MYO9A: variants seen among roughly 807,000 people sequenced by gnomAD.
MYO9A encodes the protein myosin IXA.
Under a neutral mutation model 293.3 loss-of-function variants are expected in MYO9A, and 103 were observed. The observed-to-expected ratio is 0.35, with a 90% CI of 0.30 to 0.41. The LOEUF is 0.41. Ranked by LOEUF, MYO9A falls within the 10% of genes least tolerant of loss-of-function variation. The pLI is 1.00. For missense variants in MYO9A, 2,685 were observed against 3,033.0 expected, an observed-to-expected ratio of 0.89 and a Z score of 2.69; for synonymous variants, 1,001 against 1,035.7, an observed-to-expected ratio of 0.97 and a Z score of 0.64.
chr15:71,900,574 A>C (rs2143446171), intron 23 of MYO9A, among the ~76,000 whole-genome samples: 2 of 152,342 alleles, frequency 1.3e-5, no homozygotes, highest in Admixed American at 1.3e-4. Flanking sequence ...GAAGAAGTTA[A>C]TTACAGAACC....
At chr15:71,964,416 G>A (rs2075819422) in intron 13 of MYO9A, among the ~76,000 whole-genome samples, 2 of 152,046 alleles carry the variant, frequency 1.3e-5, no homozygotes. Context: ...GGAGACTGAG[G>A]TGAGCAGATC....
chr15:72,049,041 A>G (rs1187995049), intron 1 of MYO9A, among the ~76,000 whole-genome samples: 2 of 152,218 alleles, frequency 1.3e-5, no homozygotes, highest in African/African-American at 4.8e-5. Context: ...AATGTCATCC[A>G]GACGGAACTG....
chr15:72,103,394 AAGCAGCAGCAAGCAGCAAGCAGC>A (rs1344846825), intron 1 of MYO9A, among the ~76,000 whole-genome samples: 1 of 148,348 alleles, frequency 6.7e-6, no homozygotes, highest in Non-Finnish European at 1.5e-5. Context: ...GCAGCAGCAG[AAGCAGCAGCAAGCAGCAAGCAGC>A]AGCAGAAGCA....
At chr15:71,876,794 T>A (rs539564807) in intron 31 of MYO9A, among the ~76,000 whole-genome samples, 1 of 152,262 alleles carries the variant, frequency 6.6e-6, no homozygotes, top group East Asian at 1.9e-4. Context: ...TGGAGCTAAA[T>A]ATAAAATATA....
chr15:72,011,110 G>C (rs937399282), intron 6 of MYO9A, among the ~76,000 whole-genome samples: 1 of 151,600 alleles, frequency 6.6e-6, no homozygotes, highest in Non-Finnish European at 1.5e-5. Context: ...CCCGGGCTCA[G>C]GTGATTCTCC....
chr15:71,867,835 C>T (rs2056386153), intron 32 of MYO9A, among the ~76,000 whole-genome samples: 1 of 149,622 alleles, frequency 6.7e-6, no homozygotes, highest in Non-Finnish European at 1.5e-5. Context: ...CACACACACA[C>T]ACACACACAC....
chr15:72,110,838 C>G (rs1386023823), intron 1 of MYO9A, among the ~76,000 whole-genome samples: 1 of 152,162 alleles, frequency 6.6e-6, no homozygotes, highest in Admixed American at 6.6e-5. Flanking sequence ...GCCATTTATT[C>G]TAAAAGCCAC....
intron 1 of MYO9A, among the ~76,000 whole-genome samples, chr15:72,106,279 A>C (rs1226211213): frequency 6.6e-6 from 1 of 152,062 alleles, no homozygotes; most frequent in Non-Finnish European, 1.5e-5. Flanking sequence ...GGAGTTCAAA[A>C]CCAGCCTGGG....
intron 1 of MYO9A, among the ~76,000 whole-genome samples, chr15:72,050,374 C>T (rs758670359): frequency 3.3e-5 from 5 of 151,918 alleles, no homozygotes; most frequent in South Asian, 2.1e-4. Context: ...TTTGGGAGGC[C>T]GAGGCGGATA....
In MYO9A at chr15:72,032,545, C is replaced by T; in HGVS notation, c.884G>A (p.Arg295His). Reference sequence around the variant, plus strand: ...ATTTACTTGAATAAACTTCCCAAAACGACTTGAATTGTTATTATGAGCTGT... The same window carrying T: ...ATTTACTTGAATAAACTTCCCAAAATGACTTGAATTGTTATTATGAGCTGT... ...AKTAHNNNSS[R>H]FGKFIQVNYQ... is the part of the protein sequence containing the mutation. Residue 295 changes from arginine (R) to histidine (H), a missense_variant, in exon 3 of 42, where the codon CGT (arginine) becomes CAT (histidine). Coordinates refer to ENST00000356056, the MANE Select transcript of MYO9A (RefSeq NM_006901.4). 2 of 1,609,078 alleles carry T rather than the reference C, an allele frequency of 1.2e-6. No homozygotes were observed. Among genetic ancestry groups the T allele is most frequent in the South Asian group, 1.1e-5 (1 of 89,954 alleles).
chr15:71,827,075 G>A, intron 41 of MYO9A, 32 bp from the exon 42 acceptor site: 1 of 1,465,308 alleles, frequency 6.8e-7, no homozygotes, highest in Admixed American at 2.2e-5. Context: ...AGATGTAAAT[G>A]ACAGTGCCCT....
rs570256489 is a variant in MYO9A, at chr15:71,970,227, T to G, written c.1845-2102A>C. Among the ~76,000 whole-genome samples, 190 of 152,178 alleles carry G rather than the reference T, an allele frequency of 1.2e-3. 1 individual carries two copies. The highest frequency in any genetic ancestry group is 2.3e-3 in the Non-Finnish European group (157 of 68,022). On this transcript the variant is annotated intron_variant, in intron 12 of 41. Coordinates refer to ENST00000356056, the MANE Select transcript of MYO9A (RefSeq NM_006901.4). ...AATACTATGGGAAGATTGATACTAT[T>G]CCTAACATCCTATTCATATGTAACT...
At chr15:71,992,518 T>A (rs2076571111) in intron 10 of MYO9A, among the ~76,000 whole-genome samples, 1 of 152,306 alleles carries the variant, frequency 6.6e-6, no homozygotes, top group East Asian at 1.9e-4. Flanking sequence ...CTTAAAAAAA[T>A]TAAAATAATG....
intron 8 of MYO9A, 84 bp downstream of exon 8, chr15:72,007,742 C>T (rs1036245165): frequency 1.5e-5 from 20 of 1,326,980 alleles, no homozygotes; most frequent in Non-Finnish European, 1.9e-5. Flanking sequence ...AAAGCATTAA[C>T]CCGTTTACAC....
intron 20 of MYO9A, among the ~76,000 whole-genome samples, chr15:71,904,309 T>G (rs1369146305): frequency 2.0e-5 from 3 of 152,164 alleles, no homozygotes; most frequent in African/African-American, 4.8e-5. Context: ...TCAAAAAGAA[T>G]GTAGTCACCC....
At position 72,046,110 on chromosome 15, in the gene MYO9A, A is replaced by G; in HGVS notation, c.454T>C (p.Cys152Arg). Residue 152 changes from cysteine (C) to arginine (R), a missense_variant, in exon 2 of 42, where the codon TGT (cysteine) becomes CGT (arginine). This residue lies in a region of MYO9A where 289 missense variants were observed against 456.8 expected (regional missense o/e 0.63). Transcript: ENST00000356056. Reference sequence around the variant, plus strand: ...TTCTCATTCAAATCAGGTAAACTACATAAATCATCAAAGTCTTTCTGTTGA... The same window carrying G: ...TTCTCATTCAAATCAGGTAAACTACGTAAATCATCAAAGTCTTTCTGTTGA... ...QPQQKDFDDL[C>R]SLPDLNEKTL... is the part of the protein sequence containing the mutation. 2 of 1,614,194 alleles carry G rather than the reference A, an allele frequency of 1.2e-6. No homozygotes were observed. The highest frequency in any genetic ancestry group is 1.7e-6 in the Non-Finnish European group (2 of 1,180,034).
chr15:71,929,067 C>G (rs1180478556), intron 18 of MYO9A, among the ~76,000 whole-genome samples: 1 of 141,766 alleles, frequency 7.1e-6, no homozygotes, highest in Non-Finnish European at 1.5e-5. Flanking sequence ...GATACACTGT[C>G]TCTATTAAAA....
intron 15 of MYO9A, among the ~76,000 whole-genome samples, chr15:71,942,215 C>CT (rs1211662178): frequency 1.3e-5 from 2 of 151,954 alleles, no homozygotes; most frequent in Non-Finnish European, 2.9e-5. Context: ...AAAATACATA[C>CT]TATGTAATCC....
intron 14 of MYO9A, among the ~76,000 whole-genome samples, chr15:71,952,655 T>C (rs1262626731): frequency 1.3e-5 from 2 of 152,180 alleles, no homozygotes; most frequent in Non-Finnish European, 2.9e-5. Context: ...AGGGTGGTGG[T>C]TGTGTAACAT....
Sources: allele counts gnomAD v4.1 joint callset (sites outside exome capture counted in the v4.1 genomes callset), GRCh38; gene constraint gnomAD v4.1.1; regional missense constraint gnomAD v4.1.1; transcripts MANE v1.5; gene names NCBI Gene and HGNC (gene_info 2026-07-23, HGNC 2026-07-21).